The following ZNF248 variants were observed in gnomAD, a reference collection of about 807,000 sequenced individuals.
ZNF248 encodes the protein KRAB protein domain.
A neutral mutation model predicts 44.3 loss-of-function variants in ZNF248; 20 were observed. The observed-to-expected ratio is 0.45, with a 90% CI of 0.32 to 0.66. ZNF248 has a LOEUF of 0.66. Ranked by LOEUF, ZNF248 falls within the 30% of genes least tolerant of loss-of-function variation. The pLI is 0.04. For synonymous variants in ZNF248, 224 were observed against 229.0 expected (o/e 0.98, Z 0.20); for missense variants, 654 against 677.0 (o/e 0.97, Z 0.38).
downstream of ZNF248, among the ~76,000 whole-genome samples, chr10:37,828,544 T>C (rs2054785571): frequency 6.6e-6 from 1 of 152,144 alleles, no homozygotes; most frequent in African/African-American, 2.4e-5. Context: ...CAAACTATCA[T>C]TTCTGGATCA....
At chr10:37,809,990 A>G (rs1267207743) in intron 6 of ZNF248, among the ~76,000 whole-genome samples, 1 of 152,212 alleles carries the variant, frequency 6.6e-6, no homozygotes, top group Non-Finnish European at 1.5e-5. Context: ...CGTGCATTTG[A>G]GAAGAATAGG....
At chr10:37,790,310 G>A (rs2048352355) in intron 6 of ZNF248, among the ~76,000 whole-genome samples, 1 of 151,450 alleles carries the variant, frequency 6.6e-6, no homozygotes, top group Non-Finnish European at 1.5e-5. Context: ...GCTGGGAATG[G>A]TGGCTCATGC....
At chr10:37,767,624 G>A in the ZNF248 span, among the ~76,000 whole-genome samples, 642 of 152,194 alleles carry the variant, frequency 4.2e-3, 3 homozygotes, top group African/African-American at 0.014. Flanking sequence ...CCTGAAAGAC[G>A]CACTAAACAT....
At chr10:37,847,469 T>G (rs2059519336) in intron 3 of ZNF248, among the ~76,000 whole-genome samples, 1 of 152,226 alleles carries the variant, frequency 6.6e-6, no homozygotes, top group Non-Finnish European at 1.5e-5. Context: ...AATTGTATTG[T>G]GGTTAGGTAA....
At chr10:37,767,770 T>C in the ZNF248 span, among the ~76,000 whole-genome samples, 1 of 152,196 alleles carries the variant, frequency 6.6e-6, no homozygotes, top group Admixed American at 6.5e-5. Flanking sequence ...AATTCATAAA[T>C]AACAATGTTA....
rs373134588 is a variant in ZNF248 at position 37,844,727 on chromosome 10, T to G, written c.16-6616A>C. ...CATGGTAAACACCAACAAAATATCTTAAAAAATACAGGAAAGGAAATGGGA... is the reference window on the plus strand; with the variant it reads ...CATGGTAAACACCAACAAAATATCTGAAAAAATACAGGAAAGGAAATGGGA... On this transcript the variant is annotated intron_variant, in intron 3 of 5. Transcript: ENST00000395867. Among the ~76,000 whole-genome samples, 80 of 151,956 alleles carry G rather than the reference T, an allele frequency of 5.3e-4. No homozygotes were observed. In the East Asian group the frequency reaches 6.8e-3, roughly 13 times the overall value.
chr10:37,774,622 T>C (rs2046438603), downstream of ZNF248, among the ~76,000 whole-genome samples: 1 of 152,180 alleles, frequency 6.6e-6, no homozygotes, highest in Admixed American at 6.5e-5. Context: ...CTGCCATCTG[T>C]GCCACTAAAG....
At chr10:37,782,790 G>A (rs549109530) in intron 6 of ZNF248, among the ~76,000 whole-genome samples, 4 of 152,250 alleles carry the variant, frequency 2.6e-5, no homozygotes, top group East Asian at 3.9e-4. Context: ...GCTAGGAAGA[G>A]GCAAGAGAGG....
chr10:37,834,789 G>GA (rs536470904), intron 5 of ZNF248, among the ~76,000 whole-genome samples: 5 of 152,170 alleles, frequency 3.3e-5, no homozygotes, highest in South Asian at 4.1e-4. Flanking sequence ...TGAATTACCT[G>GA]AAAAAAGGCA....
At chr10:37,802,696 C>T (rs1487229392) in intron 6 of ZNF248, 2 of 152,212 alleles carry the variant, frequency 1.3e-5, no homozygotes, top group African/African-American at 2.4e-5. Context: ...TCCTCCTCAA[C>T]ATTTCCAGAA....
intron 3 of ZNF248, among the ~76,000 whole-genome samples, chr10:37,839,356 C>T (rs543613241): frequency 1.3e-5 from 2 of 152,054 alleles, no homozygotes; most frequent in East Asian, 3.9e-4. Flanking sequence ...GACTATGGGT[C>T]TACAAGAAAC....
intron 4 of ZNF248, 104 bp downstream of exon 4, chr10:37,837,881 G>T: frequency 6.8e-7 from 1 of 1,476,826 alleles, no homozygotes; most frequent in Non-Finnish European, 9.2e-7. Flanking sequence ...AATGGGATCA[G>T]TCATCTCAGA....
Position 37,829,832 on chromosome 10 carries a change from C to T in ZNF248, c.*1783G>A, listed in dbSNP as rs182617676. On this transcript the variant is annotated 3_prime_UTR_variant, in exon 6 of 6. Transcript: ENST00000395867. Reference sequence around the variant, plus strand: ...AATACTTCCCAAACATCTCATTGCTCCCAAGTTCACCCCAACAGAATCATT... The same window carrying T: ...AATACTTCCCAAACATCTCATTGCTTCCAAGTTCACCCCAACAGAATCATT... 872 of 985,402 alleles carry T rather than the reference C, an allele frequency of 8.8e-4. 8 individuals are homozygous for T. In the African/African-American group the frequency reaches 0.014, roughly 16 times the overall value. The allele number at this position is 985,402 out of a possible 1,614,324, so 61.0% of individuals were successfully genotyped here.
chr10:37,759,932 G>A, the ZNF248 span, among the ~76,000 whole-genome samples: 1 of 152,160 alleles, frequency 6.6e-6, no homozygotes, highest in Non-Finnish European at 1.5e-5. Context: ...TAGGCAGGGA[G>A]GAGGCAAAAT....
chr10:37,785,835 T>C (rs762700846), intron 6 of ZNF248, among the ~76,000 whole-genome samples: 2 of 152,142 alleles, frequency 1.3e-5, no homozygotes, highest in Non-Finnish European at 2.9e-5. Context: ...GATTGGTAAA[T>C]AGATTGATTG....
chr10:37,802,425 T>A, intron 6 of ZNF248, among the ~76,000 whole-genome samples: 1 of 152,210 alleles, frequency 6.6e-6, no homozygotes, highest in Non-Finnish European at 1.5e-5. Context: ...CACGTGTCCA[T>A]GCTGACTCTG....
intron 6 of ZNF248, among the ~76,000 whole-genome samples, chr10:37,787,374 T>C (rs931994772): frequency 2.0e-5 from 3 of 152,080 alleles, no homozygotes; most frequent in African/African-American, 7.2e-5. Context: ...GGCACTGGCA[T>C]AAGTACGAAC....
chr10:37,790,016 C>T (rs949676164), intron 6 of ZNF248, among the ~76,000 whole-genome samples: 11 of 151,286 alleles, frequency 7.3e-5, no homozygotes, highest in African/African-American at 2.7e-4. Context: ...AATCCCAACA[C>T]TTTGGGAGGC....
chr10:37,832,231 G>A lies in ZNF248; in HGVS notation c.1124C>T (p.Thr375Ile). 2 of 1,614,042 alleles carry A rather than the reference G, an allele frequency of 1.2e-6. No individual in the cohort carries two copies. Among genetic ancestry groups the A allele is most frequent in the Non-Finnish European group, 1.7e-6 (2 of 1,179,960 alleles). Residue 375 changes from threonine to isoleucine, a missense_variant, in exon 6 of 6, where the codon ACA (threonine) becomes ATA (isoleucine). Physicochemically the swap from Thr to Ile is moderately conservative, Grantham distance 89. Transcript: ENST00000395867. ...ACCACATTCAAAGGTTTTTTCTCCT[G>A]TGTGAGCTCTCCGAAGCTGGGTAAG... is the stretch of plus-strand genomic sequence containing the variant. ...SHLTQLRRAH[T>I]GEKTFECGEC...
Sources: allele counts gnomAD v4.1 joint callset (sites outside exome capture counted in the v4.1 genomes callset), GRCh38; gene constraint gnomAD v4.1.1; transcripts MANE v1.5; gene names NCBI Gene and HGNC (gene_info 2026-07-23, HGNC 2026-07-21).